AZIN2: variants seen among roughly 807,000 people sequenced by gnomAD.
The protein encoded by AZIN2 is ODC antizyme inhibitor-2.
AZIN2 carries 28 observed loss-of-function variants against 47.8 expected under a neutral mutation model. The ratio of observed to expected loss-of-function variants is 0.59; its 90% confidence interval spans 0.43 to 0.80. The LOEUF is 0.80. Among genes scored for constraint, AZIN2 ranks in the 30% least tolerant of loss-of-function variants. AZIN2 has a pLI of 0.00. For missense variants in AZIN2, 535 were observed against 582.5 expected, an observed-to-expected ratio of 0.92 and a Z score of 0.84; for synonymous variants, 221 against 239.4, an observed-to-expected ratio of 0.92 and a Z score of 0.71.
At chr1:33,099,215 A>G (rs573077952) in intron 10 of AZIN2, among the ~76,000 whole-genome samples, 15 of 152,124 alleles carry the variant, frequency 9.9e-5, no homozygotes, top group African/African-American at 3.6e-4. Context: ...GGTCTTGAAA[A>G]TCAACTCCAC....
chr1:33,102,360 C>T (rs1286010222), intron 10 of AZIN2, among the ~76,000 whole-genome samples: 1 of 152,172 alleles, frequency 6.6e-6, no homozygotes, highest in Non-Finnish European at 1.5e-5. Context: ...ATTTCTCCAC[C>T]GAGTGGTCTG....
In AZIN2 at chr1:33,113,399, T is replaced by A. The variant is rs1308030876; in HGVS notation, c.1030-4503T>A. 6.6e-6 allele frequency among the ~76,000 whole-genome samples: 1 copy of A among 152,256 alleles called. No individual in the cohort carries two copies. Among genetic ancestry groups the A allele is most frequent in the East Asian group, 1.9e-4 (1 of 5,202 alleles). ...TTTTCCCTGTGTTTTTGAGCTGAGA[T>A]GCTGGCTTGCATTCTAAAATTCATT... is the stretch of plus-strand genomic sequence containing the variant. On this transcript the variant is annotated intron_variant, in intron 10 of 11. Transcript: ENST00000294517. The surrounding 1 kb of genome is among the most constrained non-coding windows in gnomAD (Gnocchi z 4.1).
At chr1:33,119,055 T>A (rs912722755) in intron 11 of AZIN2, 1 of 152,394 alleles carries the variant, frequency 6.6e-6, no homozygotes, top group African/African-American at 2.4e-5. Context: ...ATTCAATTCC[T>A]CTGCTGTGTC....
chr1:33,145,548 C>T, the AZIN2 span: 1 of 172,476 alleles, frequency 5.8e-6, no homozygotes, highest in East Asian at 1.7e-4. Context: ...CAAGGGAGGC[C>T]CGGGTGGCGG....
At chr1:33,082,048 C>T in intron 3 of AZIN2, 130 bp from the exon 4 acceptor site, 2 of 594,762 alleles carry the variant, frequency 3.4e-6, no homozygotes, top group South Asian at 1.9e-5. Context: ...TTTCTCCACC[C>T]TTGCCCAGTG....
At chr1:33,136,916 G>A in the AZIN2 span, among the ~76,000 whole-genome samples, 1 of 151,532 alleles carries the variant, frequency 6.6e-6, no homozygotes, top group Non-Finnish European at 1.5e-5. Flanking sequence ...ATAATTGCTT[G>A]AACCCAGGAG....
chr1:33,159,956 A>G, the AZIN2 span: 11 of 1,598,634 alleles, frequency 6.9e-6, no homozygotes, highest in Non-Finnish European at 9.3e-6. The surrounding 1 kb of genome is among the most constrained non-coding windows in gnomAD (Gnocchi z 4.2). Context: ...TGTGGGGGAC[A>G]GTCGTCAGGG....
the AZIN2 span, among the ~76,000 whole-genome samples, chr1:33,135,057 G>A: frequency 6.6e-6 from 1 of 152,170 alleles, no homozygotes; most frequent in South Asian, 2.1e-4. Flanking sequence ...GAGCCGATGT[G>A]GGTGGATCAC....
chr1:33,082,042 T>A, intron 3 of AZIN2, 136 bp from the exon 4 acceptor site: 1 of 580,228 alleles, frequency 1.7e-6, no homozygotes, highest in East Asian at 2.9e-5. Context: ...CTTGACTTTC[T>A]CCACCCTTGC....
At chr1:33,146,556 C>T in the AZIN2 span, 1 of 160,004 alleles carries the variant, frequency 6.2e-6, no homozygotes, top group Non-Finnish European at 1.4e-5. Context: ...TGTGTGGACT[C>T]AACTACCAGG....
At chr1:33,102,609 G>A (rs1220209918) in intron 10 of AZIN2, among the ~76,000 whole-genome samples, 2 of 152,110 alleles carry the variant, frequency 1.3e-5, no homozygotes, top group Non-Finnish European at 2.9e-5. Flanking sequence ...TGTCTCCTTG[G>A]CACTTCTCCT....
At chr1:33,101,930 T>G (rs1427032854) in intron 10 of AZIN2, 4 of 773,956 alleles carry the variant, frequency 5.2e-6, no homozygotes, top group African/African-American at 1.7e-5. Context: ...TATTTGTCCA[T>G]TCTCCTCTCA....
chr1:33,081,913 T>C lies in AZIN2; in HGVS notation c.-73+101T>C, dbSNP rs1303701622. The C allele has an allele frequency of 3.3e-6, 1 of 307,442 alleles. No homozygotes were observed. The allele number at this position is 307,442 out of a possible 1,614,324, so 19.0% of individuals were successfully genotyped here. A position where few individuals can be genotyped will look rare whatever the true frequency, so the allele number is the denominator to read the frequency against. ...TCTCACTCTTTCCTGAAATCCAGAA[T>C]TTCAGAACTGGGAAGGCTCTCCAAA... On this transcript the variant is annotated intron_variant, in intron 3 of 11. Transcript: ENST00000294517. The surrounding 1 kb of genome is among the most constrained non-coding windows in gnomAD (Gnocchi z 4.2).
At chr1:33,147,264 G>T in the AZIN2 span, 7 of 1,614,158 alleles carry the variant, frequency 4.3e-6, no homozygotes, top group Non-Finnish European at 5.9e-6. This position sits in a 1 kb window ranked among gnomAD's most constrained non-coding sequence, Gnocchi z 8.1. Flanking sequence ...AGCAGAGCTT[G>T]CCAGGGAACT....
At chr1:33,118,309 C>T (rs1644658028) in intron 11 of AZIN2, 193 bp downstream of exon 11, 1 of 562,152 alleles carries the variant, frequency 1.8e-6, no homozygotes, top group Non-Finnish European at 2.9e-6. Context: ...GAGGAGCTCA[C>T]AGCCCTGAGG....
chr1:33,108,458 T>G (rs1230162956), intron 10 of AZIN2, among the ~76,000 whole-genome samples: 1 of 151,828 alleles, frequency 6.6e-6, no homozygotes, highest in Non-Finnish European at 1.5e-5. Flanking sequence ...TTCTGCTGCC[T>G]CAGCCTCCCG....
At chr1:33,162,624 G>T in the AZIN2 span, among the ~76,000 whole-genome samples, 1 of 152,212 alleles carries the variant, frequency 6.6e-6, no homozygotes, top group African/African-American at 2.4e-5. Flanking sequence ...CGTAGAGCTG[G>T]GTGCAGGCTC....
chr1:33,086,038 G>A (rs1641855401), intron 5 of AZIN2, among the ~76,000 whole-genome samples: 2 of 152,202 alleles, frequency 1.3e-5, no homozygotes, highest in Admixed American at 1.3e-4. Flanking sequence ...AGGGGGAGGA[G>A]CTTGGTTCTG....
At chr1:33,099,410 A>G (rs1270032910) in intron 10 of AZIN2, among the ~76,000 whole-genome samples, 1 of 151,758 alleles carries the variant, frequency 6.6e-6, no homozygotes, top group East Asian at 1.9e-4. Context: ...TGAGCTCTCT[A>G]CTCTGACGCA....
Sources: allele counts gnomAD v4.1 joint callset (sites outside exome capture counted in the v4.1 genomes callset), GRCh38; gene constraint gnomAD v4.1.1; non-coding constraint Gnocchi (gnomAD v3.1); transcripts MANE v1.5; gene names NCBI Gene and HGNC (gene_info 2026-07-23, HGNC 2026-07-21).